The following SNED1 variants were observed in gnomAD, a reference collection of about 807,000 sequenced individuals.
SNED1 encodes the protein sushi, nidogen and EGF like domains 1.
In SNED1, 81 loss-of-function variants were observed where a neutral mutation model predicts 166.7. The observed-to-expected ratio is 0.49, with a 90% CI of 0.41 to 0.58. SNED1 has a LOEUF of 0.58. Among genes scored for constraint, SNED1 ranks in the 20% least tolerant of loss-of-function variants. The pLI is 0.00. For synonymous variants in SNED1, 762 were observed against 822.0 expected (o/e 0.93, Z 1.25); for missense variants, 1,604 against 2,000.2 (o/e 0.80, Z 3.78).
intron 1 of SNED1, among the ~76,000 whole-genome samples, chr2:241,016,757 A>G (rs2060605612): frequency 6.6e-6 from 1 of 152,172 alleles, no homozygotes; most frequent in African/African-American, 2.4e-5. Context: ...TCTTGCTGGG[A>G]AAATTTTGAA....
In SNED1 at chr2:241,013,850, GT is replaced by G. The variant is rs1163745047; in HGVS notation, c.213+14802del. On this transcript the variant is annotated intron_variant, in intron 1 of 31. Coordinates refer to ENST00000310397, the MANE Select transcript of SNED1 (RefSeq NM_001080437.3). The surrounding 1 kb of genome is among the most constrained non-coding windows in gnomAD (Gnocchi z 4.6). ...CATTCATCCGTCAGCAAACACTTAGGTTGAGTCTATATCTTGCTTATGGGAG... is the reference window on the plus strand; with the variant it reads ...CATTCATCCGTCAGCAAACACTTAGGTGAGTCTATATCTTGCTTATGGGAG... Among the ~76,000 whole-genome samples, 2 of 152,132 alleles carry G rather than the reference GT, an allele frequency of 1.3e-5. No homozygotes were observed. The highest frequency in any genetic ancestry group is 2.9e-5 in the Non-Finnish European group (2 of 68,034).
At chr2:241,002,063 C>T (rs1470158916) in intron 1 of SNED1, among the ~76,000 whole-genome samples, 2 of 152,206 alleles carry the variant, frequency 1.3e-5, no homozygotes, top group Non-Finnish European at 2.9e-5. Flanking sequence ...ACACGGAGCC[C>T]AGGGCAGCTG....
Position 241,067,836 on chromosome 2 carries a change from A to G in SNED1, c.3083A>G (p.His1028Arg). Reference sequence around the variant, plus strand: ...ACCATCTCAGTGCAGTGGGCCCTGCACAGGATCCGCCATGCCACCGTCAGT... The same window carrying G: ...ACCATCTCAGTGCAGTGGGCCCTGCGCAGGATCCGCCATGCCACCGTCAGT... ...ASTISVQWAL[H>R]RIRHATVSGV... The change falls in exon 22 of 32, where the codon CAC becomes CGC. Residue 1028 changes from histidine (H) to arginine (R), a missense_variant. By Grantham distance (29) the His-to-Arg change is conservative (BLOSUM62 0). Coordinates refer to ENST00000310397, the MANE Select transcript of SNED1 (RefSeq NM_001080437.3). The G allele has an allele frequency of 6.2e-7, 1 of 1,613,420 alleles. No homozygotes were observed.
intron 1 of SNED1, among the ~76,000 whole-genome samples, chr2:241,011,969 G>C (rs1044781058): frequency 6.6e-6 from 1 of 152,224 alleles, no homozygotes; most frequent in African/African-American, 2.4e-5. Context: ...GCAGCTCTCT[G>C]GGGTGGGGAG....
In SNED1 at chr2:240,999,019, C is replaced by T; in HGVS notation, c.182C>T (p.Pro61Leu). ...CTGCGGCCGCTCTCGGTGCCCTTCC[C>T]GTTCTTCGGTGCCGAGCACTCCGGA... ...SGLRPLSVPFPFFGAEHSGLY... is the reference protein window; with the variant it reads ...SGLRPLSVPFLFFGAEHSGLY... Residue 61 changes from proline to leucine, a missense_variant, in exon 1 of 32, where the codon CCG becomes CTG. By Grantham distance (98) the Pro-to-Leu change is moderately conservative. This residue lies in a region of SNED1 where 1,237 missense variants were observed against 1,620.8 expected (regional missense o/e 0.76). Coordinates refer to ENST00000310397, the MANE Select transcript of SNED1 (RefSeq NM_001080437.3). The surrounding 1 kb of genome is among the most constrained non-coding windows in gnomAD (Gnocchi z 5.8). 1 of 1,324,328 alleles carries T rather than the reference C, an allele frequency of 7.6e-7. No homozygotes were observed. Among genetic ancestry groups the T allele is most frequent in the Non-Finnish European group, 9.7e-7 (1 of 1,033,582 alleles). 82.0% of individuals were successfully genotyped at this position (1,324,328 alleles called of 1,614,324 possible). A position where few individuals can be genotyped will look rare whatever the true frequency, so the allele number is the denominator to read the frequency against.
chr2:241,036,670 C>T (rs2061380894), intron 4 of SNED1, 120 bp from the exon 5 acceptor site: 2 of 1,354,048 alleles, frequency 1.5e-6, no homozygotes, highest in South Asian at 1.3e-5. Flanking sequence ...CTGCGGTCAC[C>T]CGGGCACCCA....
At chr2:241,006,635 CGT>C (rs1559210647) in intron 1 of SNED1, among the ~76,000 whole-genome samples, 1 of 152,180 alleles carries the variant, frequency 6.6e-6, no homozygotes, top group African/African-American at 2.4e-5. Context: ...CACATATTTC[CGT>C]GTGTGTATTA....
At chr2:241,055,722 C>T (rs1216210250) in intron 16 of SNED1, among the ~76,000 whole-genome samples, 1 of 152,210 alleles carries the variant, frequency 6.6e-6, no homozygotes, top group African/African-American at 2.4e-5. Flanking sequence ...TCAGCACCTA[C>T]CAGGTCTCAC....
At chr2:241,052,641 G>GC (rs2061891122) in intron 15 of SNED1, among the ~76,000 whole-genome samples, 173 bp downstream of exon 15, 2 of 118,806 alleles carry the variant, frequency 1.7e-5, no homozygotes, top group Non-Finnish European at 3.4e-5. Context: ...GGGCCGGGGG[G>GC]CCAAGCAGGG....
intron 4 of SNED1, 58 bp downstream of exon 4, chr2:241,034,788 C>T (rs1381313680): frequency 8.8e-6 from 13 of 1,470,646 alleles, no homozygotes; most frequent in Non-Finnish European, 8.2e-6. Flanking sequence ...GGGTTGATGG[C>T]AGAGGAGAGG....
In SNED1 at chr2:241,068,630, TCTGGCCTCTCCCAG is replaced by T. The variant is rs2062567700; in HGVS notation, c.3195-277_3195-264del. On this transcript the variant is annotated intron_variant, in intron 22 of 31. Coordinates refer to ENST00000310397, the MANE Select transcript of SNED1 (RefSeq NM_001080437.3). The surrounding 1 kb of genome is among the most constrained non-coding windows in gnomAD (Gnocchi z 5.3). ...CTGCACAGTGACCACTTCCCCCTTC[TCTGGCCTCTCCCAG>T]CTGAACACCGGCCCTCTGACCATAC... 6.6e-6 allele frequency among the ~76,000 whole-genome samples: 1 copy of T among 151,892 alleles called. No individual in the cohort carries two copies. The highest frequency in any genetic ancestry group is 2.4e-5 in the African/African-American group (1 of 41,328).
intron 30 of SNED1, chr2:241,087,907 G>A (rs540412121): frequency 1.9e-5 from 8 of 418,850 alleles, no homozygotes; most frequent in East Asian, 7.1e-5. Flanking sequence ...AAAGAAGTAC[G>A]TGAGAATATT....
rs561513457 is a variant in SNED1, at chr2:240,998,678, C to T, written c.-160C>T. On this transcript the variant is annotated 5_prime_UTR_variant, in exon 1 of 32. Transcript: ENST00000310397. ...GCGGAGCTGCGGCGAGAGCGCGGCC[C>T]GGCCGAACGGGCGCGGGACGCGGAG... 1.3e-5 allele frequency among the ~76,000 whole-genome samples: 2 copies of T among 149,492 alleles called. No individual in the cohort carries two copies. Among genetic ancestry groups the T allele is most frequent in the Admixed American group, 6.7e-5 (1 of 15,008 alleles).
intron 21 of SNED1, among the ~76,000 whole-genome samples, chr2:241,066,649 G>T (rs1202848299): frequency 6.6e-6 from 1 of 152,142 alleles, no homozygotes; most frequent in African/African-American, 2.4e-5. Flanking sequence ...TGGGTGGGTG[G>T]CCAGGGCTTC....
Position 241,071,679 on chromosome 2 carries a change from C to G in SNED1, c.3693C>G (p.Leu1231=). The change falls in exon 25 of 32, where the codon CTC becomes CTG. Residue 1231 remains leucine, a synonymous_variant. Transcript: ENST00000310397. ...PPARLPELRL[L]NDHSAPETPT... is the part of the protein sequence containing the mutation. ...CGCGCCTGCCGGAGCTGCGCCTGCTCAATGACCACAGCGCCCCCGAGACCC... is the reference window on the plus strand; with the variant it reads ...CGCGCCTGCCGGAGCTGCGCCTGCTGAATGACCACAGCGCCCCCGAGACCC... 1 of 1,548,760 alleles carries G rather than the reference C, an allele frequency of 6.5e-7. No individual in the cohort carries two copies. The highest frequency in any genetic ancestry group is 8.7e-7 in the Non-Finnish European group (1 of 1,152,282).
intron 1 of SNED1, among the ~76,000 whole-genome samples, chr2:241,019,016 C>T (rs977530285): frequency 3.3e-5 from 5 of 152,122 alleles, no homozygotes; most frequent in East Asian, 3.9e-4. Context: ...GGTGGCCAAG[C>T]GGAGAAGAAC....
chr2:241,090,388 T>C (rs768053620), intron 31 of SNED1: 2 of 1,550,158 alleles, frequency 1.3e-6, no homozygotes, highest in South Asian at 1.2e-5. Flanking sequence ...GGAAACCTCC[T>C]GAAGGACCTG....
intron 27 of SNED1, chr2:241,074,353 T>C (rs967807771): frequency 4.0e-5 from 6 of 151,730 alleles, no homozygotes; most frequent in Non-Finnish European, 5.9e-5. Context: ...CCAGGAGGAC[T>C]GGTTTGTGCA....
In SNED1 at chr2:241,013,789, CAT is replaced by C. The variant is rs1331693846; in HGVS notation, c.213+14742_213+14743del. ...GCTGAATAATATTCCCTTGTGTGTA[CAT>C]ATGTCTGTATATATACACCACATTT... On this transcript the variant is annotated intron_variant, in intron 1 of 31. Coordinates refer to ENST00000310397, the MANE Select transcript of SNED1 (RefSeq NM_001080437.3). The surrounding 1 kb of genome is among the most constrained non-coding windows in gnomAD (Gnocchi z 4.6). Among the ~76,000 whole-genome samples, 4 of 152,180 alleles carry C rather than the reference CAT, an allele frequency of 2.6e-5. No individual in the cohort carries two copies. Among genetic ancestry groups the C allele is most frequent in the African/African-American group, 9.7e-5 (4 of 41,442 alleles).
Sources: allele counts gnomAD v4.1 joint callset (sites outside exome capture counted in the v4.1 genomes callset), GRCh38; gene constraint gnomAD v4.1.1; regional missense constraint gnomAD v4.1.1; non-coding constraint Gnocchi (gnomAD v3.1); transcripts MANE v1.5; gene names NCBI Gene and HGNC (gene_info 2026-07-23, HGNC 2026-07-21).